The following MROH2A variants were observed in gnomAD, a reference collection of about 807,000 sequenced individuals.
The protein encoded by MROH2A is maestro heat like repeat family member 2A.
In MROH2A, 174 loss-of-function variants were observed where a neutral mutation model predicts 200.4. The observed-to-expected ratio is 0.87, with a 90% CI of 0.77 to 0.98. The LOEUF is 0.98. Among genes scored for constraint, MROH2A ranks in the 50% least tolerant of loss-of-function variants. MROH2A has a pLI of 0.00. For missense variants in MROH2A, 2,045 were observed against 2,139.6 expected, an observed-to-expected ratio of 0.96 and a Z score of 0.87; for synonymous variants, 829 against 840.4, an observed-to-expected ratio of 0.99 and a Z score of 0.23.
chr2:233,832,236 A>C lies in MROH2A; in HGVS notation c.4794A>C (p.Lys1598Asn). ...TGCTAGAAACAATGGCCTATGTTAAAAATAACTTGTCAAGAATCAGAATCG... is the reference window on the plus strand; with the variant it reads ...TGCTAGAAACAATGGCCTATGTTAACAATAACTTGTCAAGAATCAGAATCG... ...RFLLETMAYV[K>N]NNLSRIRIAA... The change falls in exon 40 of 42, where the codon AAA becomes AAC. Residue 1598 changes from lysine (K) to asparagine (N), a missense_variant. Coordinates refer to ENST00000389758, the MANE Select transcript of MROH2A (RefSeq NM_001394639.1). The C allele has an allele frequency of 6.4e-7, 1 of 1,550,806 alleles. No homozygotes were observed. Among genetic ancestry groups the C allele is most frequent in the Non-Finnish European group, 8.7e-7 (1 of 1,147,076 alleles).
intron 22 of MROH2A, 87 bp from the exon 23 acceptor site, chr2:233,810,707 G>A (rs766461242): frequency 1.3e-6 from 2 of 1,489,890 alleles, no homozygotes; most frequent in East Asian, 5.0e-5. Context: ...TCAGAGCAGA[G>A]GGAGTCCAGG....
chr2:233,792,991 G>T (rs1701878035), intron 6 of MROH2A, 97 bp downstream of exon 6: 1 of 1,211,516 alleles, frequency 8.3e-7, no homozygotes, highest in Admixed American at 2.1e-5. Context: ...TGAAAAAGAG[G>T]TGCACTGTTC....
intron 6 of MROH2A, among the ~76,000 whole-genome samples, chr2:233,793,431 C>T (rs1344497585): frequency 1.3e-5 from 2 of 152,320 alleles, no homozygotes; most frequent in South Asian, 2.1e-4. Context: ...CTCCAGGCCT[C>T]GCCCTTGACC....
chr2:233,788,185 TAC>T (rs1289698411), intron 3 of MROH2A, among the ~76,000 whole-genome samples: 77 of 123,768 alleles, frequency 6.2e-4, no homozygotes, highest in African/African-American at 2.3e-3. Context: ...ATTATATATA[TAC>T]ACACACATAT....
Position 233,804,992 on chromosome 2 carries a change from G to A in MROH2A, c.1945-12G>A, listed in dbSNP as rs1702699179. 2 of 1,532,708 alleles carry A rather than the reference G, an allele frequency of 1.3e-6. No homozygotes were observed. Among genetic ancestry groups the A allele is most frequent in the East Asian group, 2.5e-5 (1 of 40,798 alleles). 94.9% of individuals were successfully genotyped at this position (1,532,708 alleles called of 1,614,324 possible). A position where few individuals can be genotyped will look rare whatever the true frequency, so the allele number is the denominator to read the frequency against. ...CTTTGGCCCTTCTCACCAACGTCTT[G>A]TGCCTCCCCAGTTTCTGCGAAACTC... On this transcript the variant is annotated splice_polypyrimidine_tract_variant and intron_variant, in intron 18 of 41. Transcript: ENST00000389758.
At chr2:233,805,789 A>G (rs973654744) in intron 19 of MROH2A, among the ~76,000 whole-genome samples, 10 of 152,240 alleles carry the variant, frequency 6.6e-5, no homozygotes, top group Admixed American at 2.6e-4. Context: ...TTTATTTTCA[A>G]GAAGGGTGCC....
chr2:233,832,504 G>A, intron 40 of MROH2A, 75 bp from the exon 41 acceptor site: 1 of 1,214,126 alleles, frequency 8.2e-7, no homozygotes, highest in South Asian at 1.3e-5. Flanking sequence ...ATAACGTAAA[G>A]TAAGTAAACC....
chr2:233,777,643 C>T (rs1700749535), upstream of MROH2A, among the ~76,000 whole-genome samples: 1 of 152,216 alleles, frequency 6.6e-6, no homozygotes, highest in African/African-American at 2.4e-5. Context: ...TGTCCAAGCA[C>T]AGGCTGAGGA....
At chr2:233,791,612 A>G (rs557916298) in intron 5 of MROH2A, among the ~76,000 whole-genome samples, 2 of 152,170 alleles carry the variant, frequency 1.3e-5, no homozygotes, top group East Asian at 3.9e-4. Flanking sequence ...AGCCATTGAT[A>G]TCCGGGAGTG....
At chr2:233,790,763 G>A (rs1701711076) in intron 5 of MROH2A, among the ~76,000 whole-genome samples, 2 of 151,416 alleles carry the variant, frequency 1.3e-5, no homozygotes, top group South Asian at 2.1e-4. Context: ...ACTCCATGCA[G>A]GCCTTGTGGC....
chr2:233,832,679 G>A (rs1209967384), intron 41 of MROH2A, 35 bp downstream of exon 41: 11 of 1,371,604 alleles, frequency 8.0e-6, no homozygotes, highest in Admixed American at 4.1e-5. Flanking sequence ...TTGAGTCCAC[G>A]ACTCACCAAC....
At chr2:233,816,395 G>A (rs1559472313) in intron 26 of MROH2A, among the ~76,000 whole-genome samples, 1 of 152,190 alleles carries the variant, frequency 6.6e-6, no homozygotes, top group Admixed American at 6.5e-5. Flanking sequence ...GGATTGTTAT[G>A]TCTGGTTGAT....
intron 16 of MROH2A, among the ~76,000 whole-genome samples, chr2:233,803,829 T>C (rs532681029): frequency 1.1e-4 from 16 of 152,236 alleles, no homozygotes; most frequent in African/African-American, 3.6e-4. Context: ...TGGACACTCA[T>C]CCATGTTGCA....
At chr2:233,804,350 G>T in intron 17 of MROH2A, 145 bp from the exon 18 acceptor site, 1 of 1,323,628 alleles carries the variant, frequency 7.6e-7, no homozygotes, top group Non-Finnish European at 1.0e-6. Flanking sequence ...GCTTGGGAAG[G>T]TGAGGAGTGC....
chr2:233,830,221 CAGG>C (rs1704629932), intron 38 of MROH2A, among the ~76,000 whole-genome samples: 2 of 152,302 alleles, frequency 1.3e-5, no homozygotes, highest in South Asian at 2.1e-4. Context: ...TGCTTTGGGG[CAGG>C]AGGAGAGGGA....
chr2:233,783,328 A>C (rs538014926), intron 3 of MROH2A, among the ~76,000 whole-genome samples: 1 of 152,304 alleles, frequency 6.6e-6, no homozygotes, highest in South Asian at 2.1e-4. Context: ...GGTAGAATTC[A>C]GCAGTGAATC....
Position 233,793,671 on chromosome 2 carries a change from A to G in MROH2A, c.671-2A>G. ...AGTGCATTCCCCTGTTGCTGTTGGTAGCCATGGAGACCTTCTGTGAGACGG... is the reference window on the plus strand; with the variant it reads ...AGTGCATTCCCCTGTTGCTGTTGGTGGCCATGGAGACCTTCTGTGAGACGG... On this transcript the variant is annotated splice_acceptor_variant, in intron 6 of 41. Coordinates refer to ENST00000389758, the MANE Select transcript of MROH2A (RefSeq NM_001394639.1). LOFTEE classifies it high-confidence loss of function. 1 of 1,384,928 alleles carries G rather than the reference A, an allele frequency of 7.2e-7. No homozygotes were observed. The highest frequency in any genetic ancestry group is 9.4e-7 in the Non-Finnish European group (1 of 1,063,336). The allele number at this position is 1,384,928 out of a possible 1,614,324, so 85.8% of individuals were successfully genotyped here.
chr2:233,798,245 G>A (rs1052256051), intron 11 of MROH2A, among the ~76,000 whole-genome samples: 3 of 152,274 alleles, frequency 2.0e-5, no homozygotes, highest in South Asian at 2.1e-4. Flanking sequence ...CAGCCCTTAC[G>A]GTGTGCCAGA....
Position 233,822,997 on chromosome 2 carries a change from AG to A in MROH2A, c.3986del (p.Gly1329ValfsTer2). On this transcript the variant is annotated frameshift_variant, in exon 34 of 42. Transcript: ENST00000389758. LOFTEE classifies it high-confidence loss of function. ...CTGCAGGACGGCGGGACATTCCTGG[AG>A]GGTGTGAGCCTGCTGGCCAGGTGGG... ...DLLQDGGTFL[E>X]GVSLLARLCM... 1 of 1,550,428 alleles carries A rather than the reference AG, an allele frequency of 6.4e-7. No homozygotes were observed. The highest frequency in any genetic ancestry group is 8.7e-7 in the Non-Finnish European group (1 of 1,146,952).
Sources: gnomAD v4.1 joint callset for allele counts (sites outside exome capture counted in the v4.1 genomes callset) on GRCh38, gnomAD v4.1.1 for gene constraint, MANE v1.5 for transcripts, NCBI Gene and HGNC (gene_info 2026-07-23, HGNC 2026-07-21) for gene names.